Variants in IL5 observed in about 807,000 individuals in gnomAD.
IL5 encodes interleukin-5.
Under a neutral mutation model 16.3 loss-of-function variants are expected in IL5, and 12 were observed. The ratio of observed to expected loss-of-function variants is 0.74; its 90% CI spans 0.47 to 1.20. The LOEUF (loss-of-function observed/expected upper bound fraction) is 1.20, where lower values mean the gene tolerates loss of function less well. Ranked by LOEUF, IL5 falls within the 50% of genes most tolerant of loss-of-function variation. IL5 has a pLI of 0.00. For synonymous variants in IL5, 54 were observed against 56.6 expected (o/e 0.95, Z 0.21); for missense variants, 159 against 153.9 (o/e 1.03, Z -0.17).
chr5:132,554,163 C>T (rs1476048172), intron 1 of IL5, among the ~76,000 whole-genome samples: 2 of 151,294 alleles, frequency 1.3e-5, no homozygotes, highest in East Asian at 2.0e-4. Flanking sequence ...GTTAGGAGTT[C>T]GAGACCAGCT....
At chr5:132,545,740 ATTCT>A (rs1197773966), upstream of IL5, among the ~76,000 whole-genome samples, 1 of 152,140 alleles carries the variant, frequency 6.6e-6, no homozygotes, top group Non-Finnish European at 1.5e-5. Context: ...TTACCCGATC[ATTCT>A]GTTTTTCAAA....
chr5:132,555,232 G>A (rs1447750489), intron 1 of IL5, among the ~76,000 whole-genome samples: 1 of 152,178 alleles, frequency 6.6e-6, no homozygotes, highest in Non-Finnish European at 1.5e-5. Flanking sequence ...CCAGGGGTTG[G>A]GGACTGAGCT....
At chr5:132,547,946 G>A (rs913115335), upstream of IL5, among the ~76,000 whole-genome samples, 2 of 152,062 alleles carry the variant, frequency 1.3e-5, no homozygotes, top group Non-Finnish European at 2.9e-5. Context: ...GCTGGCGCCT[G>A]TAATCCCAGC....
chr5:132,553,229 AAC>A (rs1749912584), intron 1 of IL5, among the ~76,000 whole-genome samples: 1 of 152,192 alleles, frequency 6.6e-6, no homozygotes, highest in Non-Finnish European at 1.5e-5. Context: ...AGTGTCTTGT[AAC>A]AGTTTCTAGC....
Position 132,542,042 on chromosome 5 carries a change from T to G in IL5, c.279A>C (p.Leu93Phe), listed in dbSNP as rs147426159. ...TTTGGCCGTCAATGTATTTCTTTAT[T>G]AAGGACAAGTTTTTGAATAGTCTTT... ...TVERLFKNLS[L>F]IKKYIDGQKK... Residue 93 changes from leucine to phenylalanine, a missense_variant, in exon 3 of 4, where the codon TTA becomes TTC. Leu to Phe is a conservative substitution (Grantham distance 22). Transcript: ENST00000231454. The G allele has an allele frequency of 1.3e-4, 212 of 1,614,034 alleles. 1 individual carries two copies. The East Asian group carries it at 4.7e-3, about 36-fold the overall frequency.
Position 132,541,531 on chromosome 5 carries a change from C to T in IL5, c.*280G>A. 1 of 320,632 alleles carries T rather than the reference C, an allele frequency of 3.1e-6. No homozygotes were observed. The highest frequency in any genetic ancestry group is 5.7e-6 in the Non-Finnish European group (1 of 175,730). The allele number at this position is 320,632 out of a possible 1,614,324, so 19.9% of individuals were successfully genotyped here. ...CAAATTCTTAACCATTTCATAAATA[C>T]TATTAAGTTAACAGACATTTTACAG... On this transcript the variant is annotated 3_prime_UTR_variant, in exon 4 of 4. Coordinates refer to ENST00000231454, the MANE Select transcript of IL5 (RefSeq NM_000879.3).
At chr5:132,550,804 C>T (rs770218554) in intron 1 of IL5, among the ~76,000 whole-genome samples, 2 of 152,046 alleles carry the variant, frequency 1.3e-5, no homozygotes, top group Non-Finnish European at 2.9e-5. Flanking sequence ...GAAGAAGTGA[C>T]GCAGAAGCAG....
upstream of IL5, among the ~76,000 whole-genome samples, chr5:132,546,551 G>A (rs188887018): frequency 2.0e-5 from 3 of 152,204 alleles, no homozygotes; most frequent in African/African-American, 7.2e-5. Flanking sequence ...ATGGTCTGTC[G>A]ATGGACACCA....
chr5:132,541,836 T>A lies in IL5; in HGVS notation c.380A>T (p.Asn127Ile), dbSNP rs757197025. The change falls in exon 4 of 4, where the codon AAC becomes ATC. Residue 127 changes from asparagine (N) to isoleucine (I), a missense_variant. Transcript: ENST00000231454. ...TCAACTTTCTATTATCCACTCGGTG[T>A]TCATTACACCAAGAAACTCTTGCAG... ...DYLQEFLGVM[N>I]TEWIIES 2 of 1,612,956 alleles carry A rather than the reference T, an allele frequency of 1.2e-6. No individual in the cohort carries two copies. Among genetic ancestry groups the A allele is most frequent in the African/African-American group, 2.7e-5 (2 of 74,912 alleles).
chr5:132,549,768 C>T (rs985597945), intron 1 of IL5, among the ~76,000 whole-genome samples: 9 of 152,156 alleles, frequency 5.9e-5, no homozygotes, highest in Non-Finnish European at 1.3e-4. Context: ...TGATTCTAAT[C>T]AACTGAGCAT....
At chr5:132,546,322 TC>T (rs2149824637), upstream of IL5, among the ~76,000 whole-genome samples, 1 of 152,198 alleles carries the variant, frequency 6.6e-6, no homozygotes, top group South Asian at 2.1e-4. Context: ...CCGCCCCCAT[TC>T]TCCCAGCACC....
chr5:132,552,493 C>T (rs1749899471), intron 1 of IL5, among the ~76,000 whole-genome samples: 1 of 152,126 alleles, frequency 6.6e-6, no homozygotes, highest in African/African-American at 2.4e-5. Context: ...TTTTCCACCC[C>T]AATCCTAGAG....
rs1001939635 is a variant in IL5 at position 132,543,460 on chromosome 5, A to G, written c.19T>C (p.Leu7=). 2.5e-6 allele frequency: 4 copies of G among 1,614,106 alleles called. No homozygotes were observed. The highest frequency in any genetic ancestry group is 1.6e-4 in the Middle Eastern group (1 of 6,062). ...GCAGCTCCAAGAGCTAGCAAACTCA[A>G]ATGCAGAAGCATCCTCATGGCTCTG... MRMLLH[L]SLLALGAAYV... Residue 7 remains leucine, a synonymous_variant, in exon 1 of 4, where the codon TTG becomes CTG. Coordinates refer to ENST00000231454, the MANE Select transcript of IL5 (RefSeq NM_000879.3).
upstream of IL5, among the ~76,000 whole-genome samples, chr5:132,544,809 A>T (rs1173711560): frequency 6.6e-6 from 1 of 152,210 alleles, no homozygotes; most frequent in Non-Finnish European, 1.5e-5. Flanking sequence ...GATGGTACCA[A>T]ACACAAACTG....
At chr5:132,546,637 A>G (rs565705815), upstream of IL5, among the ~76,000 whole-genome samples, 279 of 152,144 alleles carry the variant, frequency 1.8e-3, 1 homozygote, top group African/African-American at 6.2e-3. Flanking sequence ...TTTCTTATAA[A>G]GTTTTCGTGT....
upstream of IL5, among the ~76,000 whole-genome samples, chr5:132,547,354 C>G (rs983705079): frequency 3.3e-5 from 5 of 152,188 alleles, no homozygotes; most frequent in Admixed American, 2.0e-4. Flanking sequence ...GGAACTTTAT[C>G]CCTGTCATCT....
chr5:132,543,525 T>A (rs1412519962), upstream of IL5: 15 of 1,558,576 alleles, frequency 9.6e-6, no homozygotes, highest in African/African-American at 2.1e-4. Context: ...AAGTGCATAG[T>A]ACAAGACTGC....
chr5:132,552,609 T>C (rs1411529364), intron 1 of IL5, among the ~76,000 whole-genome samples: 1 of 152,230 alleles, frequency 6.6e-6, no homozygotes, highest in Non-Finnish European at 1.5e-5. Flanking sequence ...CTCACTATTT[T>C]TTTTCTGAAG....
At chr5:132,542,809 C>T (rs540240627) in intron 2 of IL5, among the ~76,000 whole-genome samples, 2 of 152,234 alleles carry the variant, frequency 1.3e-5, no homozygotes, top group East Asian at 1.9e-4. Context: ...GAGACTAGCA[C>T]GCACCTCTCA....
Sources: allele counts gnomAD v4.1 joint callset (sites outside exome capture counted in the v4.1 genomes callset), GRCh38; gene constraint gnomAD v4.1.1; transcripts MANE v1.5; gene names NCBI Gene and HGNC (gene_info 2026-07-23, HGNC 2026-07-21).